The following ZNF485 variants were observed in gnomAD, a reference collection of about 807,000 sequenced individuals.
ZNF485 encodes zinc finger protein 485.
Under a neutral mutation model 10.8 loss-of-function variants are expected in ZNF485, and 9 were observed. The ratio of observed to expected loss-of-function variants is 0.83; its 90% confidence interval spans 0.50 to 1.45. ZNF485 has a LOEUF of 1.45. Ranked by LOEUF, ZNF485 falls within the 40% of genes most tolerant of loss-of-function variation. The pLI, the probability that ZNF485 is intolerant of heterozygous loss-of-function variation, is 0.00. For missense variants in ZNF485, 487 were observed against 528.0 expected, an observed-to-expected ratio of 0.92 and a Z score of 0.76; for synonymous variants, 187 against 181.0, an observed-to-expected ratio of 1.03 and a Z score of -0.27.
At chr10:43,609,480 T>G in intron 4 of ZNF485, 130 bp downstream of exon 4, 2 of 654,600 alleles carry the variant, frequency 3.1e-6, no homozygotes, top group Non-Finnish European at 5.1e-6. Flanking sequence ...GATGTCATCC[T>G]CCTGTCAAGT....
chr10:43,608,591 C>A, intron 2 of ZNF485, 23 bp from the exon 3 acceptor site: 1 of 1,601,474 alleles, frequency 6.2e-7, no homozygotes, highest in Non-Finnish European at 8.5e-7. Flanking sequence ...CCCGGATGAG[C>A]AGAATTGGGT....
Position 43,617,559 on chromosome 10 carries a change from G to C in ZNF485, c.*190G>C. Reference sequence around the variant, plus strand: ...GTATGTCAGTATGGAAGTAGTTATAGCATACTGTGTGCTAATTGAAAAGAA... The same window carrying C: ...GTATGTCAGTATGGAAGTAGTTATACCATACTGTGTGCTAATTGAAAAGAA... On this transcript the variant is annotated 3_prime_UTR_variant, in exon 5 of 5. Transcript: ENST00000361807. 2 of 519,564 alleles carry C rather than the reference G, an allele frequency of 3.8e-6. No homozygotes were observed. The highest frequency in any genetic ancestry group is 3.0e-5 in the East Asian group (1 of 33,772). 32.2% of individuals were successfully genotyped at this position (519,564 alleles called of 1,614,324 possible). A position where few individuals can be genotyped will look rare whatever the true frequency, so the allele number is the denominator to read the frequency against.
At chr10:43,607,902 C>T (rs1418080736) in intron 2 of ZNF485, among the ~76,000 whole-genome samples, 1 of 152,220 alleles carries the variant, frequency 6.6e-6, no homozygotes, top group African/African-American at 2.4e-5. Flanking sequence ...GTTCTTCCAA[C>T]TCTCTGAACC....
At chr10:43,609,144 C>T (rs1838715797) in intron 3 of ZNF485, 111 bp from the exon 4 acceptor site, 1 of 810,796 alleles carries the variant, frequency 1.2e-6, no homozygotes, top group East Asian at 2.7e-5. Context: ...ATTGCAGATG[C>T]TCAAGTTGAC....
intron 4 of ZNF485, among the ~76,000 whole-genome samples, chr10:43,614,386 A>T (rs529032081): frequency 2.9e-4 from 44 of 152,232 alleles, no homozygotes; most frequent in Admixed American, 2.9e-3. Flanking sequence ...TTCTGGGCTC[A>T]AGCAATCCTG....
In ZNF485 at chr10:43,609,361, G is replaced by A. The variant is rs201554877; in HGVS notation, c.247+11G>A. The A allele has an allele frequency of 1.2e-4, 200 of 1,609,734 alleles. No individual in the cohort carries two copies. In the African/African-American group the frequency reaches 2.2e-3, roughly 18 times the overall value. ...CAGGCACACATGCAGGTGAGTGGGT[G>A]GGGAACATCCCAGCAGAAGCTGAGC... is the stretch of plus-strand genomic sequence containing the variant. On this transcript the variant is annotated intron_variant, in intron 4 of 4. Transcript: ENST00000361807.
intron 2 of ZNF485, among the ~76,000 whole-genome samples, chr10:43,607,778 A>T (rs1564480888): frequency 6.6e-6 from 1 of 152,110 alleles, no homozygotes; most frequent in Non-Finnish European, 1.5e-5. Context: ...TTTAAGGCTT[A>T]CTCATTTTTT....
chr10:43,617,325 C>T lies in ZNF485; in HGVS notation c.1282C>T (p.His428Tyr), dbSNP rs1310068116. The T allele has an allele frequency of 6.4e-7, 1 of 1,573,148 alleles. No individual in the cohort carries two copies. Among genetic ancestry groups the T allele is most frequent in the Non-Finnish European group, 8.6e-7 (1 of 1,164,814 alleles). Residue 428 changes from histidine (H) to tyrosine (Y), a missense_variant, in exon 5 of 5, where the codon CAT becomes TAT. Physicochemically the swap from His to Tyr is moderately conservative, Grantham distance 83 (BLOSUM62 2). Coordinates refer to ENST00000361807, the MANE Select transcript of ZNF485 (RefSeq NM_145312.4). ...TCCCCGAAGTTCAGCCCTTAAGCAACATAAGAAAATTCATAATAAAGAAAG... is the reference window on the plus strand; with the variant it reads ...TCCCCGAAGTTCAGCCCTTAAGCAATATAAGAAAATTCATAATAAAGAAAG... Reference protein sequence around the residue: ...AFPRSSALKQHKKIHNKERAM... With the variant: ...AFPRSSALKQYKKIHNKERAM...
At position 43,606,465 on chromosome 10, in the gene ZNF485, G is replaced by C. The variant is rs12261830; in HGVS notation, c.-136G>C. ...GGTGCGAGCGCTGCACCAGCCCCTG[G>C]CTGGTGGTTACTGTCCGAACGGCGT... On this transcript the variant is annotated 5_prime_UTR_variant, in exon 1 of 5. Coordinates refer to ENST00000361807, the MANE Select transcript of ZNF485 (RefSeq NM_145312.4). 0.015 allele frequency: 6,010 copies of C among 405,148 alleles called. 339 individuals are homozygous for C. Among genetic ancestry groups the C allele is most frequent in the African/African-American group, 0.11 (5,550 of 48,666 alleles). 25.1% of individuals were successfully genotyped at this position (405,148 alleles called of 1,614,324 possible).
At position 43,606,456 on chromosome 10, in the gene ZNF485, C is replaced by G; in HGVS notation, c.-145C>G. The G allele has an allele frequency of 4.8e-6, 2 of 413,348 alleles. No homozygotes were observed. The highest frequency in any genetic ancestry group is 9.0e-6 in the Non-Finnish European group (2 of 221,154). 25.6% of individuals were successfully genotyped at this position (413,348 alleles called of 1,614,324 possible). On this transcript the variant is annotated 5_prime_UTR_variant, in exon 1 of 5. Coordinates refer to ENST00000361807, the MANE Select transcript of ZNF485 (RefSeq NM_145312.4). ...TCTCCGCGTGGTGCGAGCGCTGCAC[C>G]AGCCCCTGGCTGGTGGTTACTGTCC... is the stretch of plus-strand genomic sequence containing the variant.
intron 4 of ZNF485, among the ~76,000 whole-genome samples, chr10:43,610,925 AT>A (rs1176625894): frequency 2.6e-5 from 4 of 152,060 alleles, no homozygotes; most frequent in Admixed American, 1.3e-4. Flanking sequence ...GTATCCATGA[AT>A]TCTTTAAGCA....
chr10:43,607,573 C>T (rs1442362251), intron 2 of ZNF485, among the ~76,000 whole-genome samples: 1 of 152,118 alleles, frequency 6.6e-6, no homozygotes, highest in Non-Finnish European at 1.5e-5. Context: ...GAATCCCAGA[C>T]TGGAGTTTGC....
intron 4 of ZNF485, among the ~76,000 whole-genome samples, chr10:43,614,881 A>G (rs1838826669): frequency 6.6e-6 from 1 of 152,188 alleles, no homozygotes. Context: ...CCTAAAATGT[A>G]CTAATGCAGA....
At position 43,611,265 on chromosome 10, in the gene ZNF485, G is replaced by T. The variant is rs899121364; in HGVS notation, c.247+1915G>T. ...TTTTTTTTTGTAGAGATGAGATCTC[G>T]CTATTTTGCCCAGGCTGGTCTGGAA... is the stretch of plus-strand genomic sequence containing the variant. On this transcript the variant is annotated intron_variant, in intron 4 of 4. Coordinates refer to ENST00000361807, the MANE Select transcript of ZNF485 (RefSeq NM_145312.4). 3.3e-5 allele frequency among the ~76,000 whole-genome samples: 5 copies of T among 151,598 alleles called. No individual in the cohort carries two copies. The East Asian group carries it at 9.7e-4, about 29-fold the overall frequency.
chr10:43,609,027 C>T (rs61859180), intron 3 of ZNF485, among the ~76,000 whole-genome samples: 7,199 of 152,064 alleles, frequency 0.047, 200 homozygotes, highest in Non-Finnish European at 0.055. Context: ...TCTCGTCCTC[C>T]AGGAGGACCT....
In ZNF485 at chr10:43,616,731, T is replaced by G; in HGVS notation, c.688T>G (p.Leu230Val). 1 of 1,614,060 alleles carries G rather than the reference T, an allele frequency of 6.2e-7. No homozygotes were observed. Among genetic ancestry groups the G allele is most frequent in the Non-Finnish European group, 8.5e-7 (1 of 1,180,004 alleles). ...GKTFRKNSIL[L>V]SHQRIHTGQK... ...AACTTTCAGAAAGAACTCAATCCTT[T>G]TAAGTCATCAGAGAATTCATACTGG... Residue 230 changes from leucine (L) to valine (V), a missense_variant, in exon 5 of 5, where the codon TTA (leucine) becomes GTA (valine). By Grantham distance (32) the Leu-to-Val change is conservative (BLOSUM62 1). Transcript: ENST00000361807.
chr10:43,611,107 GCTCA>G (rs1838760104), intron 4 of ZNF485, among the ~76,000 whole-genome samples: 5 of 152,014 alleles, frequency 3.3e-5, no homozygotes, highest in Admixed American at 3.3e-4. Context: ...TGTGATCATG[GCTCA>G]CTGCAACCTT....
At position 43,609,274 on chromosome 10, in the gene ZNF485, A is replaced by G. The variant is rs779377288; in HGVS notation, c.171A>G (p.Pro57=). The G allele has an allele frequency of 8.6e-5, 138 of 1,613,674 alleles. No individual in the cohort carries two copies. Among genetic ancestry groups the G allele is most frequent in the Non-Finnish European group, 1.1e-4 (130 of 1,179,888 alleles). ...GAACAGGGCTTCTCTCTTCCAAACCAAAACTAATTACTCAGTTGGAGCAAG... is the reference window on the plus strand; with the variant it reads ...GAACAGGGCTTCTCTCTTCCAAACCGAAACTAATTACTCAGTTGGAGCAAG... ...LVSVGLLSSK[P]KLITQLEQGA... Residue 57 remains proline (P), a synonymous_variant, in exon 4 of 5, where the codon CCA becomes CCG. Coordinates refer to ENST00000361807, the MANE Select transcript of ZNF485 (RefSeq NM_145312.4).
Position 43,617,113 on chromosome 10 carries a change from G to A in ZNF485, c.1070G>A (p.Arg357His), listed in dbSNP as rs763885590. 27 of 1,614,034 alleles carry A rather than the reference G, an allele frequency of 1.7e-5. No individual in the cohort carries two copies. Among genetic ancestry groups the A allele is most frequent in the East Asian group, 6.7e-5 (3 of 44,850 alleles). ...AGTGGAAATAAACCGTATCAGTGTCGTGACTGTGGGAAGGCCTTTACAAAG... is the reference window on the plus strand; with the variant it reads ...AGTGGAAATAAACCGTATCAGTGTCATGACTGTGGGAAGGCCTTTACAAAG... ...THSGNKPYQC[R>H]DCGKAFTKSS... Residue 357 changes from arginine to histidine, a missense_variant, in exon 5 of 5, where the codon CGT becomes CAT. Transcript: ENST00000361807.
Sources: allele counts gnomAD v4.1 joint callset (sites outside exome capture counted in the v4.1 genomes callset), GRCh38; gene constraint gnomAD v4.1.1; transcripts MANE v1.5; gene names NCBI Gene and HGNC (gene_info 2026-07-23, HGNC 2026-07-21).